The following AGBL1 variants were observed in gnomAD, a reference collection of about 807,000 sequenced individuals.
The protein encoded by AGBL1 is AGBL carboxypeptidase 1.
AGBL1 carries 130 observed loss-of-function variants against 118.9 expected under a neutral mutation model. That is an observed-to-expected ratio of 1.09 (90% confidence interval 0.95 to 1.26). AGBL1 has a LOEUF of 1.26. Ranked by LOEUF, AGBL1 falls within the 50% of genes most tolerant of loss-of-function variation. The pLI is 0.00. For synonymous variants in AGBL1, 555 were observed against 478.9 expected (o/e 1.16, Z -2.08); for missense variants, 1,584 against 1,298.1 (o/e 1.22, Z -3.38).
chr15:86,702,514 T>G (rs2086377982), intron 22 of AGBL1, among the ~76,000 whole-genome samples: 1 of 152,106 alleles, frequency 6.6e-6, no homozygotes, highest in Non-Finnish European at 1.5e-5. Flanking sequence ...TTCAAAATTA[T>G]ACTTGACTCC....
intron 16 of AGBL1, among the ~76,000 whole-genome samples, chr15:86,280,106 T>C (rs1336800870): frequency 6.6e-6 from 1 of 152,028 alleles, no homozygotes; most frequent in East Asian, 1.9e-4. Context: ...ATGAAGTAGG[T>C]TGGAGTTGTA....
intron 18 of AGBL1, among the ~76,000 whole-genome samples, chr15:86,446,062 T>C (rs1392771913): frequency 1.3e-5 from 2 of 151,552 alleles, no homozygotes; most frequent in Non-Finnish European, 2.9e-5. Flanking sequence ...GGTGGGTAAA[T>C]GGAAAGGAAG....
chr15:86,563,759 G>A (rs577721904), intron 21 of AGBL1, among the ~76,000 whole-genome samples: 96 of 152,174 alleles, frequency 6.3e-4, no homozygotes, highest in African/African-American at 2.3e-3. Flanking sequence ...TTATTATGTG[G>A]GAGTCTAAGT....
chr15:86,769,173 G>A (rs899923937), intron 22 of AGBL1, among the ~76,000 whole-genome samples: 1 of 60,304 alleles, frequency 1.7e-5, no homozygotes, highest in Non-Finnish European at 3.7e-5. Context: ...CTCATTTTGA[G>A]AGGGAGAGAG....
chr15:86,925,384 G>A (rs1362590032), intron 23 of AGBL1, among the ~76,000 whole-genome samples: 1 of 152,092 alleles, frequency 6.6e-6, no homozygotes, highest in Non-Finnish European at 1.5e-5. Flanking sequence ...GAGAACTGCT[G>A]TCCTAACAGA....
intron 23 of AGBL1, among the ~76,000 whole-genome samples, chr15:86,955,665 C>A (rs1288286656): frequency 6.6e-6 from 1 of 151,892 alleles, no homozygotes; most frequent in African/African-American, 2.4e-5. Flanking sequence ...TTTTTAAAGT[C>A]TTGGAAAGGT....
At position 86,495,823 on chromosome 15, in the gene AGBL1, AT is replaced by A. The variant is rs1293345467; in HGVS notation, c.2556-26980del. Among the ~76,000 whole-genome samples, 6 of 151,662 alleles carry A rather than the reference AT, an allele frequency of 4.0e-5. No homozygotes were observed. The East Asian group carries it at 7.8e-4, about 20-fold the overall frequency. Reference sequence around the variant, plus strand: ...CAAGGTTTTTTGATGTATTATGTAGATTTTTTTATCTTGCTTTTTCTTTTTT... The same window carrying A: ...CAAGGTTTTTTGATGTATTATGTAGATTTTTTATCTTGCTTTTTCTTTTTT... On this transcript the variant is annotated intron_variant, in intron 18 of 22. Coordinates refer to ENST00000614907, the MANE Select transcript of AGBL1 (RefSeq NM_001386094.1).
chr15:86,598,666 C>T (rs1328364798), intron 21 of AGBL1, among the ~76,000 whole-genome samples: 1 of 152,086 alleles, frequency 6.6e-6, no homozygotes, highest in African/African-American at 2.4e-5. Context: ...ATGTATGCTT[C>T]CCACTGTTGG....
chr15:86,349,228 A>C (rs976990160), intron 17 of AGBL1, among the ~76,000 whole-genome samples: 6 of 152,160 alleles, frequency 3.9e-5, no homozygotes, highest in Non-Finnish European at 5.9e-5. Context: ...TGAGAATATA[A>C]AGCCATTGTT....
At chr15:86,194,026 G>A (rs1348469054) in intron 5 of AGBL1, among the ~76,000 whole-genome samples, 1 of 152,166 alleles carries the variant, frequency 6.6e-6, no homozygotes, top group Non-Finnish European at 1.5e-5. Flanking sequence ...ATTCTCCTGT[G>A]AGGAATTCTG....
chr15:86,410,362 C>T (rs2081590488), intron 18 of AGBL1, among the ~76,000 whole-genome samples: 1 of 152,100 alleles, frequency 6.6e-6, no homozygotes, highest in East Asian at 1.9e-4. Flanking sequence ...ACTTTGTTTT[C>T]ATCAGTGATG....
At chr15:86,715,151 C>A (rs147576468) in intron 22 of AGBL1, among the ~76,000 whole-genome samples, 1 of 152,076 alleles carries the variant, frequency 6.6e-6, no homozygotes, top group East Asian at 1.9e-4. Flanking sequence ...TTTAAGCCTG[C>A]AAAGCTGAAT....
chr15:86,298,246 AATATATATATATATATATATAT>A (rs59968237), intron 17 of AGBL1, among the ~76,000 whole-genome samples: 13 of 69,784 alleles, frequency 1.9e-4, no homozygotes, highest in Non-Finnish European at 3.2e-4. Flanking sequence ...GTCTGTGTAT[AATATATATATATATATATATAT>A]ATATATATAT....
chr15:86,445,430 T>A (rs574236241), intron 18 of AGBL1, among the ~76,000 whole-genome samples: 1 of 152,342 alleles, frequency 6.6e-6, no homozygotes, highest in East Asian at 1.9e-4. Flanking sequence ...CAGGGGAACT[T>A]CCCTTGCAGT....
At chr15:86,625,167 C>A (rs906215397) in intron 21 of AGBL1, among the ~76,000 whole-genome samples, 1 of 152,110 alleles carries the variant, frequency 6.6e-6, no homozygotes, top group Non-Finnish European at 1.5e-5. Context: ...TTAGTGTCGG[C>A]TCTGCCTCCT....
At chr15:86,895,056 T>G (rs2080103468) in intron 22 of AGBL1, among the ~76,000 whole-genome samples, 1 of 151,352 alleles carries the variant, frequency 6.6e-6, no homozygotes, top group Middle Eastern at 3.4e-3. Context: ...GTTCCTTCTT[T>G]CTTTTATCTT....
At chr15:86,878,098 G>A (rs959886669) in intron 22 of AGBL1, among the ~76,000 whole-genome samples, 1 of 152,156 alleles carries the variant, frequency 6.6e-6, no homozygotes, top group African/African-American at 2.4e-5. Flanking sequence ...GTAGCTCAGC[G>A]ATGCCACCCA....
intron 18 of AGBL1, among the ~76,000 whole-genome samples, chr15:86,457,717 T>C (rs779658336): frequency 6.6e-6 from 1 of 152,196 alleles, no homozygotes; most frequent in Non-Finnish European, 1.5e-5. Context: ...TAGGATGATA[T>C]AGTTTTGTTG....
chr15:86,325,612 G>A (rs946966782), intron 17 of AGBL1, among the ~76,000 whole-genome samples: 3 of 152,106 alleles, frequency 2.0e-5, no homozygotes, highest in African/African-American at 7.2e-5. Context: ...TTATATCACC[G>A]AGTGGGCCAG....
Sources: allele counts gnomAD v4.1 joint callset (sites outside exome capture counted in the v4.1 genomes callset), GRCh38; gene constraint gnomAD v4.1.1; transcripts MANE v1.5; gene names NCBI Gene and HGNC (gene_info 2026-07-23, HGNC 2026-07-21).